The following HEG1 variants were observed in gnomAD, a reference collection of about 807,000 sequenced individuals.
HEG1 encodes protein HEG homolog 1.
A neutral mutation model predicts 125.6 loss-of-function variants in HEG1; 56 were observed. The ratio of observed to expected loss-of-function variants is 0.45; its 90% CI spans 0.36 to 0.56. The LOEUF is 0.56. HEG1 is among the 20% of genes least tolerant of loss of function. The probability of loss-of-function intolerance (pLI) is 0.00; values close to 1 mark genes in which losing one functional copy is unlikely to be tolerated. For missense variants in HEG1, 1,523 were observed against 1,670.0 expected, an observed-to-expected ratio of 0.91 and a Z score of 1.53; for synonymous variants, 644 against 668.5, an observed-to-expected ratio of 0.96 and a Z score of 0.57.
At chr3:125,032,736 G>C (rs1937512778) in intron 1 of HEG1, among the ~76,000 whole-genome samples, 1 of 152,250 alleles carries the variant, frequency 6.6e-6, no homozygotes, top group Non-Finnish European at 1.5e-5. Context: ...AGAAGTGATT[G>C]TAGGGAAGCA....
chr3:124,970,593 C>T lies in HEG1; in HGVS notation c.*59G>A. The T allele has an allele frequency of 6.7e-7, 1 of 1,500,688 alleles. No individual in the cohort carries two copies. Among genetic ancestry groups the T allele is most frequent in the Non-Finnish European group, 9.1e-7 (1 of 1,104,302 alleles). The allele number at this position is 1,500,688 out of a possible 1,614,324, so 93.0% of individuals were successfully genotyped here. A position where few individuals can be genotyped will look rare whatever the true frequency, so the allele number is the denominator to read the frequency against. On this transcript the variant is annotated 3_prime_UTR_variant, in exon 17 of 17. Coordinates refer to ENST00000311127, the MANE Select transcript of HEG1 (RefSeq NM_020733.2). ...CTGGGCGCAGCCTCCTGGTGCGGTC[C>T]TCTGAGCAGAGGTCCCAGGTGACTG... is the stretch of plus-strand genomic sequence containing the variant.
chr3:124,980,761 C>T (rs962547457), intron 14 of HEG1, among the ~76,000 whole-genome samples: 1 of 152,070 alleles, frequency 6.6e-6, no homozygotes, highest in South Asian at 2.1e-4. Flanking sequence ...TCCAGTGATC[C>T]GCTCACCTCG....
In HEG1 at chr3:124,968,776, T is replaced by A. The variant is rs1936367804; in HGVS notation, c.*1876A>T. On this transcript the variant is annotated 3_prime_UTR_variant, in exon 17 of 17. Transcript: ENST00000311127. ...CTGCAGGAGCTCAGAACTCTCCAGT[T>A]AGGTGCGAGGCCGTGAGCCACAAAG... The A allele has an allele frequency of 1.3e-5, 2 of 152,080 alleles. No homozygotes were observed. The highest frequency in any genetic ancestry group is 2.9e-5 in the Non-Finnish European group (2 of 68,016). The allele number at this position is 152,080 out of a possible 1,614,324, so 9.4% of individuals were successfully genotyped here. A position where few individuals can be genotyped will look rare whatever the true frequency, so the allele number is the denominator to read the frequency against.
rs1031412371 is a variant in HEG1, at chr3:124,966,806, G to C, written c.*3846C>G. 6.6e-6 allele frequency: 1 copy of C among 152,218 alleles called. No individual in the cohort carries two copies. The highest frequency in any genetic ancestry group is 6.5e-5 in the Admixed American group (1 of 15,284). 9.4% of individuals were successfully genotyped at this position (152,218 alleles called of 1,614,324 possible). On this transcript the variant is annotated 3_prime_UTR_variant, in exon 17 of 17. Coordinates refer to ENST00000311127, the MANE Select transcript of HEG1 (RefSeq NM_020733.2). ...CAGGCAGAGTTAAATCGGCTTACAG[G>C]ACACCCGGGCATCTCACCAGGGGGC... is the stretch of plus-strand genomic sequence containing the variant.
chr3:124,994,725 C>T (rs186082104), intron 12 of HEG1, among the ~76,000 whole-genome samples: 34 of 152,274 alleles, frequency 2.2e-4, no homozygotes, highest in Middle Eastern at 3.4e-3. Context: ...AGGCTGGCCT[C>T]GAACTCCTGA....
At chr3:125,045,414 C>T (rs1052433631) in intron 1 of HEG1, among the ~76,000 whole-genome samples, 2 of 152,208 alleles carry the variant, frequency 1.3e-5, no homozygotes, top group South Asian at 2.1e-4. Flanking sequence ...CTAGCTTATT[C>T]TCTCGCAATC....
chr3:125,046,422 CACACACACACACAT>C (rs989739319), intron 1 of HEG1, among the ~76,000 whole-genome samples: 6 of 145,580 alleles, frequency 4.1e-5, no homozygotes, highest in African/African-American at 1.3e-4. Context: ...CACACACACA[CACACACACACACAT>C]ATATATTTTT....
In HEG1 at chr3:125,013,952, T is replaced by C. The variant is rs1323786946; in HGVS notation, c.1627A>G (p.Ile543Val). ...TGGTCGCTGGAAGTCCTTTGTTCAATAGCTGTGCCACGCACTTGACCGTAG... is the reference window on the plus strand; with the variant it reads ...TGGTCGCTGGAAGTCCTTTGTTCAACAGCTGTGCCACGCACTTGACCGTAG... ...ISYGQVRGTA[I>V]EQRTSSDHTD... The change falls in exon 6 of 17, where the codon ATT becomes GTT. Residue 543 changes from isoleucine (I) to valine (V), a missense_variant. By Grantham distance (29) the Ile-to-Val change is conservative. Coordinates refer to ENST00000311127, the MANE Select transcript of HEG1 (RefSeq NM_020733.2). 8.7e-6 allele frequency: 14 copies of C among 1,612,976 alleles called. No homozygotes were observed. The highest frequency in any genetic ancestry group is 2.2e-5 in the East Asian group (1 of 44,884).
chr3:125,040,400 T>C (rs982762123), intron 1 of HEG1, among the ~76,000 whole-genome samples: 5 of 152,038 alleles, frequency 3.3e-5, no homozygotes, highest in Non-Finnish European at 7.4e-5. Flanking sequence ...AGACCAGCCC[T>C]ACAGAAAGTC....
At chr3:125,009,913 A>C in intron 7 of HEG1, 89 bp from the exon 8 acceptor site, 1 of 1,368,890 alleles carries the variant, frequency 7.3e-7, no homozygotes, top group Non-Finnish European at 9.9e-7. Context: ...TAAGGGCCAA[A>C]TGGTGCTAGG....
In HEG1 at chr3:125,055,940, A is replaced by AGCGGGCG; in HGVS notation, c.-51_-50insCGCCCGC. The AGCGGGCG allele has an allele frequency of 1.2e-6, 1 of 806,246 alleles. No individual in the cohort carries two copies. Among genetic ancestry groups the AGCGGGCG allele is most frequent in the Non-Finnish European group, 1.5e-6 (1 of 670,960 alleles). 49.9% of individuals were successfully genotyped at this position (806,246 alleles called of 1,614,324 possible). A position where few individuals can be genotyped will look rare whatever the true frequency, so the allele number is the denominator to read the frequency against. ...CATGCCCGGCGCGCGGGGCGAGGGCAGCGGGCAGCGGGCAGCGGGCGGCGG... is the reference window on the plus strand; with the variant it reads ...CATGCCCGGCGCGCGGGGCGAGGGCAGCGGGCGGCGGGCAGCGGGCAGCGGGCGGCGG... On this transcript the variant is annotated 5_prime_UTR_variant, in exon 1 of 17. Coordinates refer to ENST00000311127, the MANE Select transcript of HEG1 (RefSeq NM_020733.2).
In HEG1 at chr3:124,987,851, T is replaced by C. The variant is rs1248529260; in HGVS notation, c.3733+2936A>G. Reference sequence around the variant, plus strand: ...CTCTGTTTCTAACAATATCTTAGGATCAGGTCCGCAGGCTTGTGATGTAAC... The same window carrying C: ...CTCTGTTTCTAACAATATCTTAGGACCAGGTCCGCAGGCTTGTGATGTAAC... On this transcript the variant is annotated intron_variant, in intron 14 of 16. Coordinates refer to ENST00000311127, the MANE Select transcript of HEG1 (RefSeq NM_020733.2). Among the ~76,000 whole-genome samples the C allele has an allele frequency of 6.0e-5, 9 of 150,022 alleles. No homozygotes were observed. In the East Asian group the frequency reaches 1.6e-3, roughly 26 times the overall value.
At position 125,020,872 on chromosome 3, in the gene HEG1, G is replaced by A; in HGVS notation, c.1172C>T (p.Pro391Leu). The change falls in exon 4 of 17, where the codon CCA (proline) becomes CTA (leucine). Residue 391 changes from proline to leucine, a missense_variant. Physicochemically the swap from Pro to Leu is moderately conservative, Grantham distance 98. Coordinates refer to ENST00000311127, the MANE Select transcript of HEG1 (RefSeq NM_020733.2). ...SRRNSRVTGN[P>L]GDEEFIEPST... ...TGGTTCAATGAATTCCTCATCCCCT[G>A]GATTCCCAGTTACTCTACTGTTTCT... 6.2e-7 allele frequency: 1 copy of A among 1,613,958 alleles called. No homozygotes were observed. Among genetic ancestry groups the A allele is most frequent in the Non-Finnish European group, 8.5e-7 (1 of 1,179,868 alleles).
intron 1 of HEG1, among the ~76,000 whole-genome samples, chr3:125,050,544 G>T (rs1329420062): frequency 6.6e-6 from 1 of 152,176 alleles, no homozygotes; most frequent in Non-Finnish European, 1.5e-5. Flanking sequence ...CCAGCCCCCA[G>T]TGGTCTCCAC....
intron 14 of HEG1, among the ~76,000 whole-genome samples, chr3:124,979,536 C>T (rs1021301280): frequency 5.9e-5 from 9 of 152,150 alleles, no homozygotes; most frequent in African/African-American, 1.9e-4. Context: ...CTGGTAAAAT[C>T]ATATCTTCAA....
chr3:125,042,939 G>A (rs765975819), intron 1 of HEG1, among the ~76,000 whole-genome samples: 4 of 152,220 alleles, frequency 2.6e-5, no homozygotes, highest in Non-Finnish European at 5.9e-5. Flanking sequence ...ATTTTGGGTG[G>A]AGGACGTTTA....
chr3:125,024,797 T>C (rs556224954), intron 3 of HEG1, among the ~76,000 whole-genome samples: 2 of 152,342 alleles, frequency 1.3e-5, no homozygotes, highest in South Asian at 2.1e-4. Flanking sequence ...CGTGGAATCA[T>C]AGATGCTGAA....
chr3:125,001,769 T>C, intron 11 of HEG1, 83 bp downstream of exon 11: 5 of 1,474,150 alleles, frequency 3.4e-6, no homozygotes, highest in East Asian at 4.9e-5. Flanking sequence ...TTCCTGGGCC[T>C]GAGCCCTGGA....
rs1389359940 is a variant in HEG1, at chr3:124,968,040, C to T, written c.*2612G>A. Reference sequence around the variant, plus strand: ...TCTTGAGCAGTTACACATCACTTGCCCCTTCCTCTCACCTTCCCCCATCTG... The same window carrying T: ...TCTTGAGCAGTTACACATCACTTGCTCCTTCCTCTCACCTTCCCCCATCTG... On this transcript the variant is annotated 3_prime_UTR_variant, in exon 17 of 17. Transcript: ENST00000311127. 6.6e-6 allele frequency: 1 copy of T among 152,462 alleles called. No individual in the cohort carries two copies. Among genetic ancestry groups the T allele is most frequent in the African/African-American group, 2.4e-5 (1 of 41,464 alleles). 9.4% of individuals were successfully genotyped at this position (152,462 alleles called of 1,614,324 possible).
Sources: allele counts gnomAD v4.1 joint callset (sites outside exome capture counted in the v4.1 genomes callset), GRCh38; gene constraint gnomAD v4.1.1; transcripts MANE v1.5; gene names NCBI Gene and HGNC (gene_info 2026-07-23, HGNC 2026-07-21).